The following FAM193A variants were observed in gnomAD, a reference collection of about 807,000 sequenced individuals.
FAM193A encodes the protein protein FAM193A.
Under a neutral mutation model 126.5 loss-of-function variants are expected in FAM193A, and 22 were observed. The observed-to-expected ratio is 0.17, with a 90% CI of 0.12 to 0.25. The LOEUF (loss-of-function observed/expected upper bound fraction) is 0.25. Ranked by LOEUF, FAM193A falls within the 10% of genes least tolerant of loss-of-function variation. FAM193A has a pLI of 1.00. For synonymous variants in FAM193A, 761 were observed against 646.8 expected, an observed-to-expected ratio of 1.18 and a Z score of -2.68; for missense variants, 1,675 against 1,672.8, an observed-to-expected ratio of 1.00 and a Z score of -0.02.
At position 2,633,175 on chromosome 4, in the gene FAM193A, A is replaced by G. The variant is rs181688723; in HGVS notation, c.1038+2006A>G. 1.5e-3 allele frequency among the ~76,000 whole-genome samples: 229 copies of G among 152,270 alleles called. 4 individuals are homozygous for G. The East Asian group carries it at 0.025, about 17-fold the overall frequency. On this transcript the variant is annotated intron_variant, in intron 5 of 20. Coordinates refer to ENST00000637812, the MANE Select transcript of FAM193A (RefSeq NM_001366318.2). Reference sequence around the variant, plus strand: ...CACTTTGGGAGGCCGAGGCAGGCAGATCACCTGAGGTCAGGAGTTCAAGAC... The same window carrying G: ...CACTTTGGGAGGCCGAGGCAGGCAGGTCACCTGAGGTCAGGAGTTCAAGAC...
At chr4:2,640,070 T>A (rs1317643109) in intron 6 of FAM193A, among the ~76,000 whole-genome samples, 1 of 152,192 alleles carries the variant, frequency 6.6e-6, no homozygotes, top group African/African-American at 2.4e-5. Context: ...TAAATGCTAC[T>A]AAGATTTAAC....
chr4:2,687,681 C>T (rs146705717), intron 13 of FAM193A, among the ~76,000 whole-genome samples: 9 of 152,348 alleles, frequency 5.9e-5, no homozygotes, highest in South Asian at 2.1e-4. Context: ...TTCTCATCCC[C>T]TGACTAACCT....
At chr4:2,655,295 G>C (rs574485851) in intron 7 of FAM193A, among the ~76,000 whole-genome samples, 1 of 152,192 alleles carries the variant, frequency 6.6e-6, no homozygotes, top group Admixed American at 6.5e-5. Flanking sequence ...ATCAATTTCT[G>C]TATGAGTTAA....
Position 2,639,736 on chromosome 4 carries a change from A to G in FAM193A, c.1040A>G (p.Glu347Gly). ...RSISTFLGTL[E>G]NEHLKKFQVT... ...TATCTTTTACTTTTTCTTAACCAGG[A>G]AAATGAACACTTGAAAAAGTTCCAA... The change falls in exon 6 of 21, where the codon GAA becomes GGA. Residue 347 changes from glutamate to glycine, a missense_variant and splice_region_variant. Glu to Gly is a moderately conservative substitution (Grantham distance 98). Coordinates refer to ENST00000637812, the MANE Select transcript of FAM193A (RefSeq NM_001366318.2). 6.2e-7 allele frequency: 1 copy of G among 1,608,490 alleles called. No homozygotes were observed. Among genetic ancestry groups the G allele is most frequent in the Non-Finnish European group, 8.5e-7 (1 of 1,176,890 alleles).
chr4:2,574,389 C>T (rs369301570), intron 1 of FAM193A, among the ~76,000 whole-genome samples: 5 of 152,152 alleles, frequency 3.3e-5, no homozygotes, highest in South Asian at 2.1e-4. Context: ...CCTGTGCTCT[C>T]GTTCACTGCT....
chr4:2,729,559 A>C (rs1376523992), intron 20 of FAM193A, among the ~76,000 whole-genome samples: 4 of 152,200 alleles, frequency 2.6e-5, no homozygotes, highest in African/African-American at 9.6e-5. Context: ...AACTTGCCTC[A>C]GTCTCTTCTT....
At chr4:2,572,547 T>C (rs1184563078) in intron 1 of FAM193A, among the ~76,000 whole-genome samples, 1 of 151,908 alleles carries the variant, frequency 6.6e-6, no homozygotes, top group Non-Finnish European at 1.5e-5. Flanking sequence ...GATTAAAGGC[T>C]GTAGGGTGAG....
intron 12 of FAM193A, among the ~76,000 whole-genome samples, chr4:2,670,467 T>A (rs1396474262): frequency 6.6e-6 from 1 of 152,190 alleles, no homozygotes; most frequent in Non-Finnish European, 1.5e-5. Flanking sequence ...CACTTTTTTT[T>A]TTCCAGACAA....
At chr4:2,728,775 C>T (rs1721038207) in intron 20 of FAM193A, among the ~76,000 whole-genome samples, 1 of 150,976 alleles carries the variant, frequency 6.6e-6, no homozygotes, top group South Asian at 2.1e-4. Flanking sequence ...TAGCCTTCTC[C>T]TAAGCTAAAT....
intron 5 of FAM193A, among the ~76,000 whole-genome samples, chr4:2,631,537 G>T (rs908440461): frequency 1.3e-5 from 2 of 152,206 alleles, no homozygotes; most frequent in African/African-American, 4.8e-5. Context: ...TTTCGTTGCT[G>T]TAGACAGAGC....
intron 12 of FAM193A, among the ~76,000 whole-genome samples, chr4:2,668,737 A>G (rs1713428722): frequency 6.6e-6 from 1 of 152,148 alleles, no homozygotes; most frequent in Non-Finnish European, 1.5e-5. Flanking sequence ...AGAAAAATGT[A>G]TTTATACAGT....
intron 16 of FAM193A, 129 bp downstream of exon 16, chr4:2,694,003 A>T: frequency 2.0e-6 from 2 of 987,328 alleles, no homozygotes; most frequent in Non-Finnish European, 3.0e-6. Flanking sequence ...GAGGGAATGC[A>T]GGGATGTCCC....
intron 13 of FAM193A, among the ~76,000 whole-genome samples, chr4:2,680,959 T>A (rs939308243): frequency 6.6e-6 from 1 of 152,164 alleles, no homozygotes. Flanking sequence ...TACTTTCTTA[T>A]AATACCTTTT....
chr4:2,688,014 C>G (rs765072751), intron 13 of FAM193A, among the ~76,000 whole-genome samples: 1 of 152,184 alleles, frequency 6.6e-6, no homozygotes, highest in Non-Finnish European at 1.5e-5. Flanking sequence ...GGGAACCCTC[C>G]CACTTGAGTT....
At chr4:2,624,419 T>A (rs1406465373) in intron 2 of FAM193A, among the ~76,000 whole-genome samples, 2 of 152,152 alleles carry the variant, frequency 1.3e-5, no homozygotes, top group African/African-American at 4.8e-5. Context: ...GCTGGGATTA[T>A]AGGCGTGAGC....
intron 6 of FAM193A, among the ~76,000 whole-genome samples, chr4:2,643,306 A>G (rs1167989850): frequency 6.6e-6 from 1 of 152,108 alleles, no homozygotes; most frequent in African/African-American, 2.4e-5. Flanking sequence ...ATTACATACA[A>G]ACACCCCTTA....
intron 1 of FAM193A, among the ~76,000 whole-genome samples, chr4:2,547,534 G>C (rs531004062): frequency 6.6e-6 from 1 of 151,982 alleles, no homozygotes; most frequent in South Asian, 2.1e-4. Flanking sequence ...ACAGGCGTGA[G>C]CCACCGCACC....
At chr4:2,596,465 C>G (rs1415297387) in intron 2 of FAM193A, 136 bp downstream of exon 2, 2 of 610,664 alleles carry the variant, frequency 3.3e-6, no homozygotes, top group Non-Finnish European at 5.9e-6. Flanking sequence ...TAGTCTGTGT[C>G]TCCTGGTACG....
intron 20 of FAM193A, among the ~76,000 whole-genome samples, chr4:2,724,075 TTTA>T (rs1391891102): frequency 6.6e-6 from 1 of 152,160 alleles, no homozygotes; most frequent in African/African-American, 2.4e-5. Flanking sequence ...GACAAAGTAT[TTTA>T]TTATCTCTTA....
Sources: allele counts gnomAD v4.1 joint callset (sites outside exome capture counted in the v4.1 genomes callset), GRCh38; gene constraint gnomAD v4.1.1; transcripts MANE v1.5; gene names NCBI Gene and HGNC (gene_info 2026-07-23, HGNC 2026-07-21).